The following CD163L1 variants were observed in gnomAD, a reference collection of about 807,000 sequenced individuals.
CD163L1 encodes the protein scavenger receptor cysteine-rich type 1 protein M160.
Under a neutral mutation model 165.4 loss-of-function variants are expected in CD163L1, and 124 were observed. The observed-to-expected ratio is 0.75, with a 90% CI of 0.65 to 0.87. The LOEUF (loss-of-function observed/expected upper bound fraction) is 0.87. CD163L1 is among the 40% of genes least tolerant of loss of function. The probability of loss-of-function intolerance (pLI) is 0.00; values close to 1 mark genes in which losing one functional copy is unlikely to be tolerated. For missense variants in CD163L1, 1,525 were observed against 1,799.9 expected, an observed-to-expected ratio of 0.85 and a Z score of 2.76; for synonymous variants, 585 against 662.2, an observed-to-expected ratio of 0.88 and a Z score of 1.79.
intron 2 of CD163L1, chr12:7,439,155 C>T (rs1948779819): frequency 6.3e-7 from 1 of 1,577,274 alleles, no homozygotes; most frequent in African/African-American, 1.4e-5. Flanking sequence ...GAATGTAGCC[C>T]TTCATTGTCA....
the CD163L1 span, chr12:7,326,849 C>T: frequency 2.8e-6 from 3 of 1,058,170 alleles, no homozygotes; most frequent in Non-Finnish European, 3.9e-6. Flanking sequence ...GAGGTAACCT[C>T]TGGCATTTGC....
At position 7,403,770 on chromosome 12, in the gene CD163L1, C is replaced by A. The variant is rs1440271003; in HGVS notation, c.1173G>T (p.Trp391Cys). ...TCTTCCAGTTCTGGTCACATATTGT[C>A]CACCACTGTTCATGAATTCTCACCT... ...RVEVRIHEQW[W>C]TICDQNWKNE... The change falls in exon 6 of 20, where the codon TGG becomes TGT. Residue 391 changes from tryptophan (W) to cysteine (C), a missense_variant. Coordinates refer to ENST00000313599, the MANE Select transcript of CD163L1 (RefSeq NM_174941.6). 6.2e-7 allele frequency: 1 copy of A among 1,613,808 alleles called. No homozygotes were observed. The highest frequency in any genetic ancestry group is 8.5e-7 in the Non-Finnish European group (1 of 1,179,944).
Position 7,355,145 on chromosome 12 carries a change from C to G in CD163L1, c.*25-15G>C, listed in dbSNP as rs974493330. 1.3e-5 allele frequency: 2 copies of G among 152,034 alleles called. No homozygotes were observed. Among genetic ancestry groups the G allele is most frequent in the African/African-American group, 2.4e-5 (1 of 41,422 alleles). 9.4% of individuals were successfully genotyped at this position (152,034 alleles called of 1,614,324 possible). On this transcript the variant is annotated splice_polypyrimidine_tract_variant and intron_variant, in intron 19 of 19. Transcript: ENST00000313599. The stretch of plus-strand genomic sequence containing the variant: ...TAGAGGTTGATCTGAAATTATAAAA[C>G]AAGAGGCAACAAGTTACTATTCTTC...
intron 5 of CD163L1, 93 bp from the exon 6 acceptor site, chr12:7,403,948 T>C (rs138471895): frequency 8.4e-6 from 8 of 947,352 alleles, no homozygotes; most frequent in Middle Eastern, 4.4e-4. Context: ...GAAGATTAGA[T>C]GTATCCTTCA....
rs186623303 is a variant in CD163L1, at chr12:7,369,105, T to C, written c.4040-140A>G. 5 of 1,073,924 alleles carry C rather than the reference T, an allele frequency of 4.7e-6. No individual in the cohort carries two copies. The Admixed American group carries it at 8.2e-5, about 18-fold the overall frequency. The allele number at this position is 1,073,924 out of a possible 1,614,324, so 66.5% of individuals were successfully genotyped here. On this transcript the variant is annotated intron_variant, in intron 15 of 19. Coordinates refer to ENST00000313599, the MANE Select transcript of CD163L1 (RefSeq NM_174941.6). This position sits in a 1 kb window ranked among gnomAD's most constrained non-coding sequence, Gnocchi z 4.9. ...TGAATACTGGATGTCATTTAAAATA[T>C]CAGTCAGAATCCTCTTGCTTCAAAG...
chr12:7,395,157 C>T (rs1030815261), intron 8 of CD163L1, among the ~76,000 whole-genome samples: 61 of 152,176 alleles, frequency 4.0e-4, no homozygotes, highest in African/African-American at 9.6e-4. Flanking sequence ...ATGTTTATTG[C>T]GGCACTATTC....
In CD163L1 at chr12:7,433,168, C is replaced by G. The variant is rs369735738; in HGVS notation, c.445+206G>C. On this transcript the variant is annotated intron_variant, in intron 3 of 19. Transcript: ENST00000313599. ...TCTCTCTGTCTCTCTCTTTCTCTCT[C>G]CATTTCTTTCTAAACTCAGTTATAG... Among the ~76,000 whole-genome samples the G allele has an allele frequency of 4.6e-5, 7 of 152,234 alleles. No individual in the cohort carries two copies. In the East Asian group the frequency reaches 1.4e-3, roughly 29 times the overall value.
At chr12:7,391,423 G>A (rs912957940) in intron 8 of CD163L1, among the ~76,000 whole-genome samples, 6 of 152,110 alleles carry the variant, frequency 3.9e-5, no homozygotes, top group African/African-American at 7.2e-5. Flanking sequence ...AAACTTCTCC[G>A]AGCTAAAGGG....
downstream of CD163L1, among the ~76,000 whole-genome samples, chr12:7,345,276 G>A (rs953442282): frequency 3.6e-4 from 54 of 152,088 alleles, no homozygotes; most frequent in Non-Finnish European, 1.2e-4. Flanking sequence ...AAGCAGCCAG[G>A]CCACATCTTG....
chr12:7,444,024 T>C (rs377703801), intron 1 of CD163L1, 73 bp downstream of exon 1: 4 of 1,355,414 alleles, frequency 3.0e-6, no homozygotes, highest in African/African-American at 1.4e-5. Context: ...TTTATATCTG[T>C]TTGTTGTTAC....
chr12:7,406,811 G>C lies in CD163L1; in HGVS notation c.808C>G (p.Arg270Gly), dbSNP rs143343430. Residue 270 changes from arginine to glycine, a missense_variant, in exon 5 of 20, where the codon CGC (arginine) becomes GGC (glycine). Physicochemically the swap from Arg to Gly is moderately radical, Grantham distance 125 (BLOSUM62 -2). Transcript: ENST00000313599. ...TTCAGCTCTACTCTCCCCATACAGC[G>C]GTTAGTTCCACCTACAAGCCTTAGT... ...LELRLVGGTN[R>G]CMGRVELKIQ... 6.2e-7 allele frequency: 1 copy of C among 1,613,958 alleles called. No homozygotes were observed. Among genetic ancestry groups the C allele is most frequent in the Non-Finnish European group, 8.5e-7 (1 of 1,179,962 alleles).
chr12:7,331,504 C>T, the CD163L1 span, among the ~76,000 whole-genome samples: 1 of 152,186 alleles, frequency 6.6e-6, no homozygotes, highest in African/African-American at 2.4e-5. Flanking sequence ...GTCCCTGACC[C>T]CTGAGTAGCC....
chr12:7,349,010 C>T (rs766578738), intron 4 of CD163L1, among the ~76,000 whole-genome samples: 32 of 152,104 alleles, frequency 2.1e-4, no homozygotes, highest in African/African-American at 6.3e-4. Context: ...ATGAGGTAGA[C>T]GGTGAATCTG....
chr12:7,401,225 A>G (rs2136515902), intron 6 of CD163L1, among the ~76,000 whole-genome samples: 1 of 152,250 alleles, frequency 6.6e-6, no homozygotes, highest in East Asian at 1.9e-4. Flanking sequence ...TGAAGATTCC[A>G]TGAACCCATA....
intron 8 of CD163L1, among the ~76,000 whole-genome samples, chr12:7,390,014 T>TA (rs1947616778): frequency 6.8e-6 from 1 of 147,770 alleles, no homozygotes; most frequent in Non-Finnish European, 1.5e-5. Context: ...TATTCAGTCC[T>TA]AAAAAAGAAT....
intron 4 of CD163L1, among the ~76,000 whole-genome samples, chr12:7,408,299 T>A (rs1308720869): frequency 1.3e-5 from 2 of 152,152 alleles, no homozygotes; most frequent in Non-Finnish European, 2.9e-5. Context: ...TGAGTTGTAA[T>A]ACAGGTATTA....
At chr12:7,357,877 G>T (rs1048159966) in intron 18 of CD163L1, among the ~76,000 whole-genome samples, 1 of 152,088 alleles carries the variant, frequency 6.6e-6, no homozygotes. Flanking sequence ...TGGCAGGATT[G>T]AGAGAAATAA....
intron 4 of CD163L1, among the ~76,000 whole-genome samples, chr12:7,407,214 T>G (rs113556874): frequency 2.1e-4 from 32 of 152,248 alleles, no homozygotes; most frequent in African/African-American, 7.5e-4. Flanking sequence ...AGCAAACATT[T>G]TAGAACTTAA....
At chr12:7,424,041 G>A (rs755446629) in intron 4 of CD163L1, among the ~76,000 whole-genome samples, 4 of 152,082 alleles carry the variant, frequency 2.6e-5, no homozygotes, top group African/African-American at 7.2e-5. Flanking sequence ...GGAAATTTCA[G>A]GTCAATATCC....
Sources: allele counts gnomAD v4.1 joint callset (sites outside exome capture counted in the v4.1 genomes callset), GRCh38; gene constraint gnomAD v4.1.1; non-coding constraint Gnocchi (gnomAD v3.1); transcripts MANE v1.5; gene names NCBI Gene and HGNC (gene_info 2026-07-23, HGNC 2026-07-21).